The following OCA2 variants were observed in gnomAD, a reference collection of about 807,000 sequenced individuals.
OCA2 encodes the protein P protein.
In OCA2, 77 loss-of-function variants were observed where a neutral mutation model predicts 100.2. That is an observed-to-expected ratio of 0.77 (90% CI 0.64 to 0.93). The LOEUF (loss-of-function observed/expected upper bound fraction) is 0.93. OCA2 is among the 40% of genes least tolerant of loss of function. OCA2 has a pLI of 0.00. For missense variants in OCA2, 1,062 were observed against 1,089.1 expected (o/e 0.98, Z 0.35); for synonymous variants, 432 against 439.2 (o/e 0.98, Z 0.21).
intron 19 of OCA2, among the ~76,000 whole-genome samples, chr15:27,915,674 T>G (rs2038640001): frequency 6.6e-6 from 1 of 152,184 alleles, no homozygotes. Flanking sequence ...CCAGTCAGAA[T>G]GGTTAGTATT....
chr15:27,895,156 C>T (rs1181143799), intron 19 of OCA2, among the ~76,000 whole-genome samples: 1 of 152,180 alleles, frequency 6.6e-6, no homozygotes, highest in Non-Finnish European at 1.5e-5. Context: ...GTATCCATCA[C>T]CCAGCTGTTG....
chr15:27,794,932 C>A (rs1220300915), intron 23 of OCA2, among the ~76,000 whole-genome samples: 1 of 152,148 alleles, frequency 6.6e-6, no homozygotes, highest in African/African-American at 2.4e-5. Flanking sequence ...TAACTACTAA[C>A]AGAAAACAAT....
chr15:28,010,668 T>C (rs1030370039), intron 9 of OCA2, among the ~76,000 whole-genome samples: 4 of 152,164 alleles, frequency 2.6e-5, no homozygotes, highest in African/African-American at 9.7e-5. Flanking sequence ...ACAAGATCAG[T>C]ATCATGAAAA....
intron 14 of OCA2, among the ~76,000 whole-genome samples, chr15:27,968,831 T>C (rs2040669996): frequency 6.6e-6 from 1 of 152,222 alleles, no homozygotes; most frequent in African/African-American, 2.4e-5. Context: ...GGTGATCATA[T>C]AGAAGAATTC....
the OCA2 span, among the ~76,000 whole-genome samples, chr15:27,748,482 C>T: frequency 6.6e-6 from 1 of 152,178 alleles, no homozygotes; most frequent in Non-Finnish European, 1.5e-5. Flanking sequence ...GGCATCAGCT[C>T]CCAAAACTAG....
intron 1 of OCA2, among the ~76,000 whole-genome samples, chr15:28,086,932 C>G (rs981009974): frequency 3.9e-5 from 6 of 152,168 alleles, no homozygotes; most frequent in African/African-American, 1.4e-4. Context: ...CCTCAGAGAC[C>G]TATGGGACCA....
chr15:27,800,874 G>A (rs1453048278), intron 23 of OCA2, among the ~76,000 whole-genome samples: 1 of 152,064 alleles, frequency 6.6e-6, no homozygotes, highest in African/African-American at 2.4e-5. Context: ...AGGCTGAAGT[G>A]GGAAGATTGC....
rs911445907 is a variant in OCA2 at position 27,986,472 on chromosome 15, AGGAT to A, written c.1239+111_1239+114del. 246 of 788,168 alleles carry A rather than the reference AGGAT, an allele frequency of 3.1e-4. No homozygotes were observed. The African/African-American group carries it at 3.8e-3, about 12-fold the overall frequency. 48.8% of individuals were successfully genotyped at this position (788,168 alleles called of 1,614,324 possible). ...CCCTGCAGAAGCAACCTTTAAAAGA[AGGAT>A]GGAATTTTTCAATGTTTGTTTTAAA... On this transcript the variant is annotated intron_variant, in intron 12 of 23. Coordinates refer to ENST00000354638, the MANE Select transcript of OCA2 (RefSeq NM_000275.3).
chr15:28,077,733 T>C (rs186602294), intron 2 of OCA2, among the ~76,000 whole-genome samples: 2 of 152,332 alleles, frequency 1.3e-5, no homozygotes, highest in Non-Finnish European at 1.5e-5. Context: ...GTTTAACTCA[T>C]CAATTAGAAG....
At chr15:27,934,583 C>A (rs2140442763) in intron 18 of OCA2, among the ~76,000 whole-genome samples, 1 of 152,284 alleles carries the variant, frequency 6.6e-6, no homozygotes, top group Non-Finnish European at 1.5e-5. Context: ...TGCTATATAG[C>A]AATAAGAAGC....
chr15:27,918,717 A>G (rs116963539), intron 19 of OCA2, among the ~76,000 whole-genome samples: 160 of 152,350 alleles, frequency 1.1e-3, no homozygotes, highest in Non-Finnish European at 1.8e-3. Flanking sequence ...TATCAATATG[A>G]ATAAAACCAA....
At chr15:27,752,191 A>T (rs983576092), downstream of OCA2, among the ~76,000 whole-genome samples, 59 of 152,290 alleles carry the variant, frequency 3.9e-4, no homozygotes, top group African/African-American at 1.4e-3. Flanking sequence ...CTGGATTTTC[A>T]TGGTGAATTC....
intron 23 of OCA2, among the ~76,000 whole-genome samples, chr15:27,817,204 G>C (rs1029566494): frequency 6.6e-6 from 1 of 152,136 alleles, no homozygotes; most frequent in Non-Finnish European, 1.5e-5. Context: ...GCCTCATGAA[G>C]GAAGTTAAAC....
chr15:28,077,765 C>A (rs761739272), intron 2 of OCA2, among the ~76,000 whole-genome samples: 4 of 152,216 alleles, frequency 2.6e-5, no homozygotes, highest in East Asian at 1.9e-4. Context: ...ACGCAAAAAA[C>A]CACACAAACA....
intron 9 of OCA2, among the ~76,000 whole-genome samples, chr15:28,002,139 T>C (rs1037543728): frequency 1.3e-5 from 2 of 152,138 alleles, no homozygotes; most frequent in African/African-American, 4.8e-5. Flanking sequence ...AAAAAGCTGA[T>C]ACAAGAGGCC....
At chr15:27,873,699 T>C (rs1010891715) in intron 19 of OCA2, among the ~76,000 whole-genome samples, 4 of 152,214 alleles carry the variant, frequency 2.6e-5, no homozygotes, top group African/African-American at 7.2e-5. Flanking sequence ...TTATGTAATG[T>C]AAGACAAAAT....
intron 23 of OCA2, among the ~76,000 whole-genome samples, chr15:27,769,056 G>A (rs2031509179): frequency 6.6e-6 from 1 of 152,190 alleles, no homozygotes; most frequent in Admixed American, 6.5e-5. Context: ...TTCACCGGGA[G>A]CCTCCATTTC....
chr15:28,027,135 C>T (rs1191610450), intron 4 of OCA2, among the ~76,000 whole-genome samples: 2 of 152,232 alleles, frequency 1.3e-5, no homozygotes. Context: ...TGGGAGGAAA[C>T]CCATTAGATA....
intron 23 of OCA2, among the ~76,000 whole-genome samples, chr15:27,824,253 A>C (rs1344106082): frequency 1.3e-5 from 2 of 152,114 alleles, no homozygotes; most frequent in Admixed American, 6.5e-5. Flanking sequence ...CTGTAATCCC[A>C]GCTACTTGGG....
Sources: gnomAD v4.1 joint callset for allele counts (sites outside exome capture counted in the v4.1 genomes callset) on GRCh38, gnomAD v4.1.1 for gene constraint, MANE v1.5 for transcripts, NCBI Gene and HGNC (gene_info 2026-07-23, HGNC 2026-07-21) for gene names.